Variants in RAI14 observed in about 807,000 individuals in gnomAD.
RAI14 encodes retinoic acid induced 14.
RAI14 carries 45 observed loss-of-function variants against 115.4 expected under a neutral mutation model. The ratio of observed to expected loss-of-function variants is 0.39; its 90% confidence interval spans 0.31 to 0.50. RAI14 has a LOEUF of 0.50. Among genes scored for constraint, RAI14 ranks in the 20% least tolerant of loss-of-function variants. The pLI is 0.85. For synonymous variants in RAI14, 371 were observed against 415.4 expected (o/e 0.89, Z 1.30); for missense variants, 939 against 1,131.2 (o/e 0.83, Z 2.44).
At chr5:34,734,383 A>G (rs1266820467) in intron 2 of RAI14, among the ~76,000 whole-genome samples, 1 of 152,148 alleles carries the variant, frequency 6.6e-6, no homozygotes, top group Non-Finnish European at 1.5e-5. Context: ...AGTAACTTCT[A>G]AAGGAGGTAT....
In RAI14 at chr5:34,677,393, C is replaced by T. The variant is rs1209811515; in HGVS notation, c.-48-9479C>T. On this transcript the variant is annotated intron_variant, in intron 1 of 17. Coordinates refer to ENST00000265109, the MANE Select transcript of RAI14 (RefSeq NM_015577.3). ...TGGCCAGGCTGGTCTTGAACTTCTG[C>T]ACCCGCCTTGCCCTTCCAAAGTTCT... 2.6e-5 allele frequency among the ~76,000 whole-genome samples: 4 copies of T among 151,982 alleles called. No homozygotes were observed. The East Asian group carries it at 5.8e-4, about 22-fold the overall frequency.
chr5:34,676,156 A>G (rs916166953), intron 1 of RAI14, among the ~76,000 whole-genome samples: 5 of 152,204 alleles, frequency 3.3e-5, no homozygotes, highest in African/African-American at 1.2e-4. Context: ...TTGGATCTCT[A>G]TGTTTAAACT....
At chr5:34,667,974 A>T (rs1369698609) in intron 1 of RAI14, among the ~76,000 whole-genome samples, 1 of 152,206 alleles carries the variant, frequency 6.6e-6, no homozygotes, top group Non-Finnish European at 1.5e-5. Flanking sequence ...CAAAAATGAA[A>T]GGAATTACTT....
At chr5:34,805,857 A>AC (rs1754826897) in intron 5 of RAI14, among the ~76,000 whole-genome samples, 1 of 151,966 alleles carries the variant, frequency 6.6e-6, no homozygotes, top group Non-Finnish European at 1.5e-5. Flanking sequence ...AAACAAACAA[A>AC]AACAACAAAA....
chr5:34,657,360 C>G (rs1742357477), intron 1 of RAI14: 1 of 152,494 alleles, frequency 6.6e-6, no homozygotes, highest in South Asian at 2.1e-4. Context: ...TTTCGCATCC[C>G]CCTTTTGTGG....
chr5:34,808,704 G>A lies in RAI14; in HGVS notation c.450+50G>A, dbSNP rs369604939. The A allele has an allele frequency of 7.2e-5, 110 of 1,530,352 alleles. No homozygotes were observed. In the African/African-American group the frequency reaches 1.4e-3, roughly 19 times the overall value. The allele number at this position is 1,530,352 out of a possible 1,614,324, so 94.8% of individuals were successfully genotyped here. On this transcript the variant is annotated intron_variant, in intron 7 of 17. Transcript: ENST00000265109. ...GCAGAGGTAGACATTGGTTTCTAGA[G>A]CTCAATGGGATACCTCTAGAGTCAC...
chr5:34,793,652 G>A (rs1412146037), intron 3 of RAI14, among the ~76,000 whole-genome samples: 1 of 152,178 alleles, frequency 6.6e-6, no homozygotes, highest in African/African-American at 2.4e-5. Flanking sequence ...ATAATTGATT[G>A]ATTGATTGAT....
intron 12 of RAI14, among the ~76,000 whole-genome samples, chr5:34,817,567 A>C (rs948991771): frequency 6.6e-6 from 1 of 152,156 alleles, no homozygotes; most frequent in Non-Finnish European, 1.5e-5. Flanking sequence ...TTCATTCACA[A>C]CCTCCCCAAA....
chr5:34,677,133 G>C (rs1744034956), intron 1 of RAI14, among the ~76,000 whole-genome samples: 1 of 83,282 alleles, frequency 1.2e-5, no homozygotes, highest in Non-Finnish European at 2.3e-5. Flanking sequence ...TATATTCCTT[G>C]TCTCTGGATG....
intron 16 of RAI14, among the ~76,000 whole-genome samples, chr5:34,828,129 G>A (rs1296551080): frequency 1.3e-5 from 2 of 152,194 alleles, no homozygotes; most frequent in South Asian, 2.1e-4. Flanking sequence ...AAGTAAGTAA[G>A]TAGATAGGTA....
At chr5:34,719,338 CCT>C (rs979637827) in intron 2 of RAI14, among the ~76,000 whole-genome samples, 9 of 152,172 alleles carry the variant, frequency 5.9e-5, no homozygotes, top group Admixed American at 4.6e-4. Flanking sequence ...TCATCCATCC[CCT>C]GTCATGGTCT....
At chr5:34,728,335 A>G (rs1408569076) in intron 2 of RAI14, among the ~76,000 whole-genome samples, 2 of 152,086 alleles carry the variant, frequency 1.3e-5, no homozygotes, top group South Asian at 2.1e-4. Context: ...GGAAGGCATG[A>G]TTGGTTTTGA....
At chr5:34,716,018 C>T (rs1266011454) in intron 2 of RAI14, 8 of 434,184 alleles carry the variant, frequency 1.8e-5, no homozygotes, top group Non-Finnish European at 3.6e-5. Flanking sequence ...AGTTACAGTA[C>T]AGTGCAAGAA....
chr5:34,826,265 A>G (rs1757433692), intron 15 of RAI14, 65 bp from the exon 16 acceptor site: 1 of 1,498,966 alleles, frequency 6.7e-7, no homozygotes, highest in Non-Finnish European at 9.1e-7. Context: ...GAGGCTTACA[A>G]ATATATGAAA....
At chr5:34,761,296 C>G (rs544661020) in intron 3 of RAI14, among the ~76,000 whole-genome samples, 1 of 152,342 alleles carries the variant, frequency 6.6e-6, no homozygotes, top group East Asian at 1.9e-4. Context: ...AAGTGATCCT[C>G]CTGCCTCAGC....
intron 3 of RAI14, among the ~76,000 whole-genome samples, chr5:34,777,944 C>A (rs1419784920): frequency 7.2e-5 from 11 of 152,020 alleles, no homozygotes; most frequent in Non-Finnish European, 1.5e-4. Context: ...ATTAGATAGA[C>A]TAGGGTGACT....
intron 2 of RAI14, among the ~76,000 whole-genome samples, chr5:34,695,202 T>C (rs1306079970): frequency 6.6e-6 from 1 of 152,158 alleles, no homozygotes; most frequent in Non-Finnish European, 1.5e-5. Context: ...GCCTGGCCTG[T>C]TCATTCTTTG....
chr5:34,811,320 TG>T (rs1755555943), intron 8 of RAI14, among the ~76,000 whole-genome samples: 2 of 152,226 alleles, frequency 1.3e-5, no homozygotes, highest in African/African-American at 2.4e-5. Flanking sequence ...TGGACATCAT[TG>T]CTGGCTAAGT....
At chr5:34,682,416 CT>C (rs951895074) in intron 1 of RAI14, among the ~76,000 whole-genome samples, 5 of 151,510 alleles carry the variant, frequency 3.3e-5, no homozygotes, top group African/African-American at 1.2e-4. Flanking sequence ...AGAAGTTTAA[CT>C]TTTTTGTTTG....
Sources: allele counts gnomAD v4.1 joint callset (sites outside exome capture counted in the v4.1 genomes callset), GRCh38; gene constraint gnomAD v4.1.1; transcripts MANE v1.5; gene names NCBI Gene and HGNC (gene_info 2026-07-23, HGNC 2026-07-21).